The following GPC3 variants were observed in gnomAD, a reference collection of about 807,000 sequenced individuals.
GPC3 encodes the protein glypican 3.
A neutral mutation model predicts 34.4 loss-of-function variants in GPC3; 3 were observed. The observed-to-expected ratio is 0.09, with a 90% CI of 0.04 to 0.23. GPC3 has a LOEUF of 0.23. Ranked by LOEUF, GPC3 falls within the 10% of genes least tolerant of loss-of-function variation. The pLI is 1.00. For synonymous variants in GPC3, 177 were observed against 174.0 expected (o/e 1.02, Z -0.13); for missense variants, 351 against 445.6 (o/e 0.79, Z 1.91).
intron 3 of GPC3, among the ~76,000 whole-genome samples, chrX:133,749,134 G>T (rs1016680727): frequency 1.8e-5 from 2 of 111,355 alleles, no homozygotes; most frequent in Non-Finnish European, 3.8e-5. Flanking sequence ...TATGGCACGC[G>T]CCTGTAATCC....
At chrX:133,629,427 G>A (rs373027659) in intron 6 of GPC3, among the ~76,000 whole-genome samples, 3 of 110,792 alleles carry the variant, frequency 2.7e-5, no homozygotes, top group South Asian at 3.9e-4. Context: ...ACAAAGTCTC[G>A]CTTTGTTGCC....
chrX:133,961,442 T>C (rs1264616184), intron 1 of GPC3, among the ~76,000 whole-genome samples: 1 of 111,783 alleles, frequency 8.9e-6, no homozygotes, highest in African/African-American at 3.3e-5. Flanking sequence ...TCATGCCCAG[T>C]AAAGGTTGAA....
intron 7 of GPC3, among the ~76,000 whole-genome samples, chrX:133,545,651 A>T (rs896044597): frequency 9.0e-6 from 1 of 111,713 alleles, no homozygotes; most frequent in Admixed American, 9.5e-5. Flanking sequence ...TTAGTGCCAC[A>T]ACACCTCACC....
At chrX:133,777,762 T>C (rs1466932968) in intron 2 of GPC3, among the ~76,000 whole-genome samples, 1 of 111,294 alleles carries the variant, frequency 9.0e-6, no homozygotes, top group East Asian at 2.8e-4. Flanking sequence ...AATTCAGAGT[T>C]TCTAGGCATT....
At chrX:133,697,899 C>T (rs1043059009) in intron 4 of GPC3, among the ~76,000 whole-genome samples, 5 of 111,349 alleles carry the variant, frequency 4.5e-5, no homozygotes, top group Non-Finnish European at 9.4e-5. Context: ...TCACCTGATC[C>T]GTTGCCGCTT....
At chrX:133,688,985 A>C (rs2071035472) in intron 5 of GPC3, among the ~76,000 whole-genome samples, 1 of 111,507 alleles carries the variant, frequency 9.0e-6, no homozygotes, top group Non-Finnish European at 1.9e-5. Context: ...TGATCATTGC[A>C]TTAGGTCAGT....
intron 3 of GPC3, among the ~76,000 whole-genome samples, chrX:133,709,839 T>C (rs1265583603): frequency 8.9e-6 from 1 of 112,383 alleles, no homozygotes; most frequent in Non-Finnish European, 1.9e-5. Flanking sequence ...GAGATGGGCA[T>C]GGCAGGCATT....
At chrX:133,547,647 CATT>C (rs754505297) in intron 7 of GPC3, among the ~76,000 whole-genome samples, 6 of 110,231 alleles carry the variant, frequency 5.4e-5, no homozygotes, top group Admixed American at 1.9e-4. Flanking sequence ...TCTGAGGCTG[CATT>C]ATTATTATTA....
intron 2 of GPC3, among the ~76,000 whole-genome samples, chrX:133,907,357 C>A (rs1380541453): frequency 9.1e-6 from 1 of 110,454 alleles, no homozygotes; most frequent in Non-Finnish European, 1.9e-5. Flanking sequence ...AAATTCAAAA[C>A]CATACAAGGT....
At chrX:133,631,478 A>T (rs1360046343) in intron 6 of GPC3, among the ~76,000 whole-genome samples, 1 of 111,393 alleles carries the variant, frequency 9.0e-6, no homozygotes, top group Non-Finnish European at 1.9e-5. Flanking sequence ...TATATACCAA[A>T]TTTTTTCTTA....
At chrX:133,754,625 C>A (rs776437864) in intron 2 of GPC3, among the ~76,000 whole-genome samples, 1 of 112,211 alleles carries the variant, frequency 8.9e-6, no homozygotes, top group South Asian at 3.8e-4. Flanking sequence ...TATAAACTCA[C>A]ACAACAATTT....
intron 2 of GPC3, among the ~76,000 whole-genome samples, chrX:133,925,263 C>A: frequency 9.1e-6 from 1 of 109,839 alleles, no homozygotes. Flanking sequence ...GGGTACTGGG[C>A]TGAAAACCAG....
intron 2 of GPC3, among the ~76,000 whole-genome samples, chrX:133,858,512 A>G (rs181160748): frequency 8.9e-6 from 1 of 111,792 alleles, no homozygotes; most frequent in East Asian, 2.8e-4. Flanking sequence ...CTGCCCCAGC[A>G]TTAGTCTGGG....
chrX:133,597,293 G>A (rs1309805079), intron 6 of GPC3, among the ~76,000 whole-genome samples: 1 of 111,456 alleles, frequency 9.0e-6, no homozygotes, highest in East Asian at 2.8e-4. Flanking sequence ...CGGGACTCCC[G>A]CCTTTCAAAA....
At position 133,645,298 on chromosome X, in the gene GPC3, C is replaced by A. The variant is rs1038478003; in HGVS notation, c.1413+16432G>T. Among the ~76,000 whole-genome samples the A allele has an allele frequency of 2.7e-5, 3 of 111,341 alleles. No individual in the cohort carries two copies. The Admixed American group carries it at 2.9e-4, about 11-fold the overall frequency. On this transcript the variant is annotated intron_variant, in intron 6 of 7. Coordinates refer to ENST00000370818, the MANE Select transcript of GPC3 (RefSeq NM_004484.4). ...TCTAGCAGATGTCTGCTGTCACATA[C>A]CTAAATGGCATTTGGCTCCCCATAG... is the stretch of plus-strand genomic sequence containing the variant.
chrX:133,751,650 C>T (rs1333551880), intron 3 of GPC3, among the ~76,000 whole-genome samples: 1 of 111,696 alleles, frequency 9.0e-6, no homozygotes, highest in Non-Finnish European at 1.9e-5. Flanking sequence ...CTGAAATAGC[C>T]TAATCCACCC....
intron 6 of GPC3, among the ~76,000 whole-genome samples, chrX:133,608,353 T>C (rs937293623): frequency 8.9e-6 from 1 of 112,041 alleles, no homozygotes; most frequent in Non-Finnish European, 1.9e-5. Flanking sequence ...TTCAAAGACA[T>C]CTATGGAACC....
chrX:133,905,403 G>A (rs778026168), intron 2 of GPC3, among the ~76,000 whole-genome samples: 1 of 112,487 alleles, frequency 8.9e-6, no homozygotes, highest in African/African-American at 3.2e-5. Flanking sequence ...AAATGATCAA[G>A]CTATTAACAT....
At chrX:133,653,437 G>A (rs993623023) in intron 6 of GPC3, among the ~76,000 whole-genome samples, 3 of 111,552 alleles carry the variant, frequency 2.7e-5, no homozygotes, top group Admixed American at 9.6e-5. Flanking sequence ...AAGGAGGCAC[G>A]AGATAAATTA....
Sources: gnomAD v4.1 joint callset for allele counts (sites outside exome capture counted in the v4.1 genomes callset) on GRCh38, gnomAD v4.1.1 for gene constraint, MANE v1.5 for transcripts, NCBI Gene and HGNC (gene_info 2026-07-23, HGNC 2026-07-21) for gene names.